Variants in GRID2 observed in about 807,000 individuals in gnomAD.
GRID2 encodes the protein glutamate ionotropic receptor delta type subunit 2, also known as glutamate receptor ionotropic, delta-2.
A neutral mutation model predicts 114.8 loss-of-function variants in GRID2; 33 were observed. The observed-to-expected ratio is 0.29, with a 90% CI of 0.22 to 0.38. The LOEUF is 0.38. GRID2 is among the 10% of genes least tolerant of loss of function. The pLI is 1.00. For missense variants in GRID2, 1,184 were observed against 1,257.7 expected (o/e 0.94, Z 0.89); for synonymous variants, 505 against 449.9 (o/e 1.12, Z -1.55).
chr4:92,584,987 CCTT>C (rs890729891), intron 1 of GRID2, among the ~76,000 whole-genome samples: 8 of 152,024 alleles, frequency 5.3e-5, no homozygotes, highest in African/African-American at 1.9e-4. Context: ...CAACATGATT[CCTT>C]CTTTTCATGA....
intron 8 of GRID2, among the ~76,000 whole-genome samples, chr4:93,320,905 T>C (rs1757139248): frequency 1.3e-5 from 2 of 152,042 alleles, no homozygotes; most frequent in African/African-American, 2.4e-5. Flanking sequence ...AGAAGCAGAC[T>C]CTGAGATATA....
chr4:93,451,594 G>A (rs1722690049), intron 10 of GRID2, among the ~76,000 whole-genome samples: 1 of 152,046 alleles, frequency 6.6e-6, no homozygotes, highest in East Asian at 1.9e-4. Context: ...TTTTTAAAGT[G>A]TGGCAGGAGA....
intron 4 of GRID2, among the ~76,000 whole-genome samples, chr4:93,200,574 C>CAAAAACAAAAAAAAAAA (rs1560978087): frequency 1.4e-5 from 2 of 143,928 alleles, no homozygotes; most frequent in African/African-American, 5.9e-5. Flanking sequence ...TCAAAACAAA[C>CAAAAACAAAAAAAAAAA]AAACAAACAA....
chr4:93,172,358 C>T (rs538681490), intron 4 of GRID2, among the ~76,000 whole-genome samples: 1 of 152,008 alleles, frequency 6.6e-6, no homozygotes, highest in East Asian at 1.9e-4. Context: ...TTTGGGAGGC[C>T]CAGGCAGGCA....
rs1224445516 is a variant in GRID2 at position 92,927,866 on chromosome 4, TG to T, written c.245-157127del. On this transcript the variant is annotated intron_variant, in intron 2 of 15. Transcript: ENST00000282020. ...ACGATTTCAGATTTTTGCATTTTTTTGGATGTTAGAATGTTTGCATTATACT... is the reference window on the plus strand; with the variant it reads ...ACGATTTCAGATTTTTGCATTTTTTTGATGTTAGAATGTTTGCATTATACT... Among the ~76,000 whole-genome samples the T allele has an allele frequency of 3.9e-5, 6 of 151,910 alleles. No individual in the cohort carries two copies. In the South Asian group the frequency reaches 6.2e-4, roughly 16 times the overall value.
chr4:93,429,182 G>A (rs1769160576), intron 10 of GRID2, among the ~76,000 whole-genome samples: 1 of 152,142 alleles, frequency 6.6e-6, no homozygotes, highest in East Asian at 1.9e-4. Flanking sequence ...TATCTTCAGT[G>A]GTTTCCCTCA....
chr4:92,477,052 TG>T (rs1722350589), intron 1 of GRID2, among the ~76,000 whole-genome samples: 1 of 66,332 alleles, frequency 1.5e-5, no homozygotes, highest in Non-Finnish European at 3.6e-5. Context: ...TGTGTGTGTG[TG>T]TGTGTGTGTG....
chr4:93,112,485 C>G lies in GRID2; in HGVS notation c.735+1532C>G, dbSNP rs566631212. Among the ~76,000 whole-genome samples the G allele has an allele frequency of 2.0e-3, 301 of 152,194 alleles. 1 individual carries two copies. The highest frequency in any genetic ancestry group is 7.1e-3 in the African/African-American group (296 of 41,528). On this transcript the variant is annotated intron_variant, in intron 4 of 15. Transcript: ENST00000282020. ...TAAATGTGGCAGTTTCTGCTGCGCT[C>G]TGACTCTCTCCTGCCTCCTTGTGAA...
At chr4:92,896,531 T>C (rs947394101) in intron 2 of GRID2, among the ~76,000 whole-genome samples, 3 of 151,174 alleles carry the variant, frequency 2.0e-5, no homozygotes, top group African/African-American at 7.3e-5. Context: ...TCTTCAGTTG[T>C]TTAAAGTTAC....
intron 9 of GRID2, among the ~76,000 whole-genome samples, chr4:93,421,094 G>A (rs1192581007): frequency 6.6e-6 from 1 of 152,124 alleles, no homozygotes; most frequent in Non-Finnish European, 1.5e-5. Context: ...AGCATTTTCA[G>A]TGTCAGGGAC....
At chr4:93,056,992 G>A (rs1274760445) in intron 2 of GRID2, among the ~76,000 whole-genome samples, 4 of 151,954 alleles carry the variant, frequency 2.6e-5, no homozygotes, top group South Asian at 2.1e-4. Context: ...TTATAAATCC[G>A]AAGTAAAAAT....
intron 3 of GRID2, among the ~76,000 whole-genome samples, chr4:93,085,650 A>G (rs1730271658): frequency 6.6e-6 from 1 of 152,170 alleles, no homozygotes; most frequent in South Asian, 2.1e-4. Context: ...AGAAGATCAT[A>G]TTGGATAACC....
At chr4:93,079,354 T>A (rs553020258) in intron 2 of GRID2, among the ~76,000 whole-genome samples, 3 of 152,034 alleles carry the variant, frequency 2.0e-5, no homozygotes, top group South Asian at 2.1e-4. Flanking sequence ...AAACTAAAAA[T>A]TTTTTAAAAG....
At chr4:93,140,388 G>A (rs1735666018) in intron 4 of GRID2, among the ~76,000 whole-genome samples, 1 of 151,976 alleles carries the variant, frequency 6.6e-6, no homozygotes, top group African/African-American at 2.4e-5. Context: ...TCTTTCTCCT[G>A]ACCTCCTGAT....
intron 2 of GRID2, among the ~76,000 whole-genome samples, chr4:92,728,706 C>T (rs1363259540): frequency 6.6e-6 from 1 of 151,922 alleles, no homozygotes. Flanking sequence ...GACTTGTGAA[C>T]ACCCATAGCT....
intron 7 of GRID2, among the ~76,000 whole-genome samples, chr4:93,235,701 T>C (rs1746702353): frequency 6.6e-6 from 1 of 152,002 alleles, no homozygotes. Context: ...GGAAGATAAA[T>C]CACAAAGTCA....
At chr4:93,760,205 C>T (rs1733089510) in intron 14 of GRID2, among the ~76,000 whole-genome samples, 1 of 152,152 alleles carries the variant, frequency 6.6e-6, no homozygotes, top group Non-Finnish European at 1.5e-5. Flanking sequence ...ATAATATGCA[C>T]TGTTTTGAAA....
At position 93,212,665 on chromosome 4, in the gene GRID2, T is replaced by TG. The variant is rs201705987; in HGVS notation, c.790-4073_790-4072insG. Among the ~76,000 whole-genome samples, 1,339 of 152,306 alleles carry TG rather than the reference T, an allele frequency of 8.8e-3. 20 individuals are homozygous for TG. The highest frequency in any genetic ancestry group is 0.031 in the African/African-American group (1,273 of 41,586). On this transcript the variant is annotated intron_variant, in intron 5 of 15. Transcript: ENST00000282020. ...TCAAATATGACCTTTGTTGTCTTGA[T>TG]TGACTTTACTGGCTTTTTACTTAAT...
intron 2 of GRID2, among the ~76,000 whole-genome samples, chr4:92,689,016 TCTCTATA>T (rs1734055087): frequency 6.6e-6 from 1 of 152,196 alleles, no homozygotes; most frequent in Non-Finnish European, 1.5e-5. Context: ...ATCTTGTACG[TCTCTATA>T]AGAGTTCTAG....
Sources: gnomAD v4.1 joint callset for allele counts (sites outside exome capture counted in the v4.1 genomes callset) on GRCh38, gnomAD v4.1.1 for gene constraint, MANE v1.5 for transcripts, NCBI Gene and HGNC (gene_info 2026-07-23, HGNC 2026-07-21) for gene names.